The following ANKRD28 variants were observed in gnomAD, a reference collection of about 807,000 sequenced individuals.
The protein encoded by ANKRD28 is ankyrin repeat domain 28.
In ANKRD28, 44 loss-of-function variants were observed where a neutral mutation model predicts 126.5. That is an observed-to-expected ratio of 0.35 (90% CI 0.27 to 0.45). The LOEUF (loss-of-function observed/expected upper bound fraction) is 0.45. ANKRD28 is among the 20% of genes least tolerant of loss of function. ANKRD28 has a pLI of 1.00. For missense variants in ANKRD28, 1,110 were observed against 1,316.6 expected (o/e 0.84, Z 2.43); for synonymous variants, 442 against 468.5 (o/e 0.94, Z 0.73).
chr3:15,719,893 C>A (rs1393291925), intron 8 of ANKRD28, among the ~76,000 whole-genome samples: 2 of 151,934 alleles, frequency 1.3e-5, no homozygotes, highest in Admixed American at 1.3e-4. Flanking sequence ...TTTTTTGAGA[C>A]AGGGTCTCAC....
Position 15,814,386 on chromosome 3 carries a change from T to C in ANKRD28, c.28-19080A>G, listed in dbSNP as rs904997864. The C allele has an allele frequency of 2.5e-5, 17 of 681,824 alleles. No individual in the cohort carries two copies. Among genetic ancestry groups the C allele is most frequent in the Non-Finnish European group, 3.5e-5 (17 of 487,884 alleles). The allele number at this position is 681,824 out of a possible 1,614,324, so 42.2% of individuals were successfully genotyped here. A position where few individuals can be genotyped will look rare whatever the true frequency, so the allele number is the denominator to read the frequency against. ...AAGGGCTATGTTATTTATAAATAAC[T>C]AGTACCTTAACAAAACATTGAATTA... On this transcript the variant is annotated intron_variant, in intron 1 of 27. Transcript: ENST00000399451. This position sits in a 1 kb window ranked among gnomAD's most constrained non-coding sequence, Gnocchi z 4.7.
chr3:15,711,657 GTCTT>G (rs2072295270), intron 11 of ANKRD28, among the ~76,000 whole-genome samples: 1 of 151,934 alleles, frequency 6.6e-6, no homozygotes, highest in South Asian at 2.1e-4. Context: ...ACTGCTAATG[GTCTT>G]TCTTTAACAG....
At chr3:15,728,592 G>C (rs1000584344) in intron 6 of ANKRD28, among the ~76,000 whole-genome samples, 5 of 152,200 alleles carry the variant, frequency 3.3e-5, no homozygotes, top group Admixed American at 1.3e-4. Context: ...ACTGCAGGGA[G>C]ACTAAACATA....
chr3:15,769,394 T>C (rs1046695530), intron 2 of ANKRD28, among the ~76,000 whole-genome samples: 1 of 152,192 alleles, frequency 6.6e-6, no homozygotes, highest in African/African-American at 2.4e-5. Flanking sequence ...CAAAATGTAT[T>C]AAAATTAAAA....
chr3:15,702,214 C>T (rs2470550), intron 14 of ANKRD28, among the ~76,000 whole-genome samples: 89,200 of 151,960 alleles, frequency 0.59, 26,436 homozygotes, highest in Middle Eastern at 0.65. Context: ...TCAGGTCTTC[C>T]CTTTATCCAT....
At chr3:15,738,064 C>G (rs534639757) in intron 4 of ANKRD28, among the ~76,000 whole-genome samples, 3 of 152,050 alleles carry the variant, frequency 2.0e-5, no homozygotes, top group Non-Finnish European at 4.4e-5. Context: ...GGCAGGATTC[C>G]AAGGAATTCA....
rs1207952668 is a variant in ANKRD28 at position 15,838,604 on chromosome 3, C to T, written c.27+20773G>A. 6.6e-5 allele frequency among the ~76,000 whole-genome samples: 10 copies of T among 152,004 alleles called. No individual in the cohort carries two copies. The highest frequency in any genetic ancestry group is 3.4e-3 in the Middle Eastern group (1 of 294). On this transcript the variant is annotated intron_variant, in intron 1 of 27. Coordinates refer to the ANKRD28 transcript ENST00000399451. The surrounding 1 kb of genome is among the most constrained non-coding windows in gnomAD (Gnocchi z 4.0). Reference sequence around the variant, plus strand: ...CTACTAAAAATACAAAAAACTTAGTCGGGCATGGTGGCACATGCCTGTAAT... The same window carrying T: ...CTACTAAAAATACAAAAAACTTAGTTGGGCATGGTGGCACATGCCTGTAAT...
At chr3:15,698,419 G>A (rs936601100) in intron 14 of ANKRD28, among the ~76,000 whole-genome samples, 1 of 152,122 alleles carries the variant, frequency 6.6e-6, no homozygotes, top group African/African-American at 2.4e-5. Flanking sequence ...GAAATAAAGG[G>A]TATTCAATTA....
intron 27 of ANKRD28, among the ~76,000 whole-genome samples, chr3:15,672,244 A>C (rs1350673015): frequency 6.6e-6 from 1 of 151,872 alleles, no homozygotes; most frequent in Admixed American, 6.6e-5. Flanking sequence ...TCTGGGCTCA[A>C]GTGATCCTCC....
At chr3:15,684,963 AAAAAGAAAAG>A (rs752866830) in intron 21 of ANKRD28, 3 of 421,328 alleles carry the variant, frequency 7.1e-6, no homozygotes, top group Admixed American at 4.0e-5. Flanking sequence ...ACCAAAACTA[AAAAAGAAAAG>A]AAAAGAAAAG....
rs773032840 is a variant in ANKRD28, at chr3:15,685,330, A to G, written c.2285T>C (p.Ile762Thr). The G allele has an allele frequency of 1.4e-5, 23 of 1,613,902 alleles. No individual in the cohort carries two copies. Among genetic ancestry groups the G allele is most frequent in the Middle Eastern group, 1.6e-4 (1 of 6,084 alleles). Residue 762 changes from isoleucine (I) to threonine (T), a missense_variant, in exon 21 of 28, where the codon ATT becomes ACT. Ile to Thr is a moderately conservative substitution (Grantham distance 89, BLOSUM62 -1). Transcript: ENST00000683139. The part of the protein sequence containing the change: ...PIHLSAACGH[I>T]GVLGALLQSA... ...CTGCAAAAGGGCTCCAAGAACACCA[A>G]TGTGTCCACAGGCAGCAGACAGGTG...
intron 3 of ANKRD28, among the ~76,000 whole-genome samples, chr3:15,762,045 G>A (rs1347279137): frequency 6.6e-6 from 1 of 151,890 alleles, no homozygotes; most frequent in African/African-American, 2.4e-5. Flanking sequence ...AATTAGTTGG[G>A]CCTGGTGATG....
intron 18 of ANKRD28, among the ~76,000 whole-genome samples, chr3:15,687,801 G>A (rs1206709111): frequency 6.6e-6 from 1 of 152,170 alleles, no homozygotes; most frequent in African/African-American, 2.4e-5. Flanking sequence ...AGAAGAACTT[G>A]TTTGGCCCAT....
At chr3:15,761,388 G>T (rs760292834) in intron 3 of ANKRD28, among the ~76,000 whole-genome samples, 2 of 152,052 alleles carry the variant, frequency 1.3e-5, no homozygotes, top group Non-Finnish European at 2.9e-5. Flanking sequence ...TTTACCTAGA[G>T]AATTGATCAG....
At chr3:15,840,590 G>C (rs559101429) in intron 1 of ANKRD28, among the ~76,000 whole-genome samples, 82 of 152,050 alleles carry the variant, frequency 5.4e-4, no homozygotes, top group African/African-American at 2.0e-3. Flanking sequence ...GCCAAATCTA[G>C]CCTAAGCAAA....
rs1044690959 is a variant in ANKRD28, at chr3:15,797,571, G to A, written c.-1050C>T. ...TTTTGTTTTCTTTAAAAAAAAAAAG[G>A]GGGGGGAAAAACATAGTAGTGTATC... On this transcript the variant is annotated 5_prime_UTR_variant, in exon 1 of 28. Coordinates refer to ENST00000683139, the MANE Select transcript of ANKRD28 (RefSeq NM_001349278.2). 3 of 984,826 alleles carry A rather than the reference G, an allele frequency of 3.0e-6. No individual in the cohort carries two copies. The highest frequency in any genetic ancestry group is 3.6e-6 in the Non-Finnish European group (3 of 829,660). The allele number at this position is 984,826 out of a possible 1,614,324, so 61.0% of individuals were successfully genotyped here.
chr3:15,742,149 C>A (rs1178479874), intron 4 of ANKRD28, among the ~76,000 whole-genome samples: 1 of 151,898 alleles, frequency 6.6e-6, no homozygotes, highest in African/African-American at 2.4e-5. Flanking sequence ...AGCCTCTGCC[C>A]GGCCGCCACC....
chr3:15,841,788 G>C (rs960899751), intron 1 of ANKRD28, among the ~76,000 whole-genome samples: 2 of 152,142 alleles, frequency 1.3e-5, no homozygotes, highest in African/African-American at 4.8e-5. Context: ...AAGTGCTGGA[G>C]AGGATGTGGA....
At chr3:15,776,070 T>C (rs970206637) in intron 2 of ANKRD28, among the ~76,000 whole-genome samples, 14 of 152,102 alleles carry the variant, frequency 9.2e-5, no homozygotes, top group African/African-American at 3.4e-4. Context: ...ACCCCAGAAA[T>C]TACAAGGGTT....
Sources: allele counts gnomAD v4.1 joint callset (sites outside exome capture counted in the v4.1 genomes callset), GRCh38; gene constraint gnomAD v4.1.1; non-coding constraint Gnocchi (gnomAD v3.1); transcripts MANE v1.5; gene names NCBI Gene and HGNC (gene_info 2026-07-23, HGNC 2026-07-21).